Variants in SLC9B1 observed in about 807,000 individuals in gnomAD.
SLC9B1 encodes sodium/hydrogen exchanger 9B1.
SLC9B1 carries 32 observed loss-of-function variants against 51.7 expected under a neutral mutation model. The ratio of observed to expected loss-of-function variants is 0.62; its 90% CI spans 0.47 to 0.83. The LOEUF (loss-of-function observed/expected upper bound fraction) is 0.83. Ranked by LOEUF, SLC9B1 falls within the 40% of genes least tolerant of loss-of-function variation. The pLI is 0.00. For synonymous variants in SLC9B1, 145 were observed against 212.7 expected, an observed-to-expected ratio of 0.68 and a Z score of 2.77; for missense variants, 406 against 613.2, an observed-to-expected ratio of 0.66 and a Z score of 3.57.
At chr4:102,896,474 A>G (rs1734545242), downstream of SLC9B1, among the ~76,000 whole-genome samples, 1 of 152,242 alleles carries the variant, frequency 6.6e-6, no homozygotes, top group Non-Finnish European at 1.5e-5. Flanking sequence ...AGAACTGGAA[A>G]GAGCAATAAA....
chr4:102,906,720 CTT>C, intron 9 of SLC9B1, 76 bp from the exon 10 acceptor site: 6 of 456,568 alleles, frequency 1.3e-5, no homozygotes, highest in East Asian at 5.9e-5. Flanking sequence ...CTTCCCCCCC[CTT>C]TTTTTTTTCA....
At chr4:103,014,557 G>A (rs1741226282) in intron 1 of SLC9B1, among the ~76,000 whole-genome samples, 1 of 152,198 alleles carries the variant, frequency 6.6e-6, no homozygotes, top group African/African-American at 2.4e-5. Flanking sequence ...TTAGTGACTT[G>A]TGTTCCCATC....
chr4:103,017,718 C>T (rs142720687), intron 1 of SLC9B1, among the ~76,000 whole-genome samples: 2 of 152,332 alleles, frequency 1.3e-5, no homozygotes, highest in African/African-American at 4.8e-5. Context: ...TACTTCTTCA[C>T]TGTGCTTACT....
At chr4:102,979,893 T>C (rs1578397939) in intron 3 of SLC9B1, among the ~76,000 whole-genome samples, 1 of 151,592 alleles carries the variant, frequency 6.6e-6, no homozygotes, top group Non-Finnish European at 1.5e-5. Flanking sequence ...TAAACAAATT[T>C]ACAAGAAAAA....
chr4:102,977,786 G>A (rs918423013), intron 3 of SLC9B1, among the ~76,000 whole-genome samples: 1 of 152,062 alleles, frequency 6.6e-6, no homozygotes, highest in African/African-American at 2.4e-5. Flanking sequence ...TCTATGAGAA[G>A]TTACAAATTT....
chr4:102,993,115 C>T (rs1740035044), intron 1 of SLC9B1, among the ~76,000 whole-genome samples: 1 of 152,112 alleles, frequency 6.6e-6, no homozygotes, highest in South Asian at 2.1e-4. Flanking sequence ...CTCATGTCCT[C>T]ACACTTCAGA....
chr4:102,893,883 A>AGTC (rs1734403142), intron 11 of SLC9B1, among the ~76,000 whole-genome samples: 1 of 152,222 alleles, frequency 6.6e-6, no homozygotes, highest in Admixed American at 6.5e-5. Context: ...TGACAGAGCA[A>AGTC]GTCTCCATCT....
intron 9 of SLC9B1, among the ~76,000 whole-genome samples, chr4:102,907,954 ATTCAT>A (rs760065389): frequency 1.6e-4 from 25 of 152,170 alleles, no homozygotes; most frequent in Non-Finnish European, 3.5e-4. Context: ...TTTGCATTTC[ATTCAT>A]TTCATTTCTT....
chr4:102,905,536 C>T lies in SLC9B1; in HGVS notation c.1310G>A (p.Trp437Ter). ...FKEKIFIALAWMPKATVQAVL... is the reference protein window; with the variant it reads ...FKEKIFIALA Reference sequence around the variant, plus strand: ...TACCTGTACTGTAGCTTTGGGCATCCATGCTAAAGCAATAAATATTTTCTC... The same window carrying T: ...TACCTGTACTGTAGCTTTGGGCATCTATGCTAAAGCAATAAATATTTTCTC... The change falls in exon 11 of 12, where the codon TGG becomes TAG. Residue 437 changes from tryptophan to a stop codon, truncating the protein, a stop_gained. Transcript: ENST00000296422. LOFTEE classifies it low-confidence loss of function (END_TRUNC). 6.2e-7 allele frequency: 1 copy of T among 1,610,794 alleles called. No homozygotes were observed. Among genetic ancestry groups the T allele is most frequent in the South Asian group, 1.1e-5 (1 of 90,900 alleles).
chr4:102,940,523 CAAAA>C (rs1311346046), intron 6 of SLC9B1, among the ~76,000 whole-genome samples: 2 of 151,440 alleles, frequency 1.3e-5, no homozygotes, highest in African/African-American at 4.8e-5. Context: ...CATTTGGAGC[CAAAA>C]AAACAAACAA....
intron 3 of SLC9B1, among the ~76,000 whole-genome samples, chr4:102,985,878 A>C (rs1023217133): frequency 1.3e-5 from 2 of 152,150 alleles, no homozygotes; most frequent in African/African-American, 4.8e-5. Context: ...CAAACACTTT[A>C]TAATAATATT....
At chr4:102,939,802 C>T (rs1396795726) in intron 6 of SLC9B1, among the ~76,000 whole-genome samples, 1 of 152,094 alleles carries the variant, frequency 6.6e-6, no homozygotes, top group Non-Finnish European at 1.5e-5. Context: ...AAAATAAAAA[C>T]ATCCCTTCAT....
intron 1 of SLC9B1, among the ~76,000 whole-genome samples, chr4:103,001,432 G>T (rs781598750): frequency 6.6e-6 from 1 of 152,176 alleles, no homozygotes. Flanking sequence ...CCTCTTGAAC[G>T]CTTTGCTGCT....
chr4:102,946,149 TAA>T (rs1269284565), intron 5 of SLC9B1, among the ~76,000 whole-genome samples: 4 of 152,242 alleles, frequency 2.6e-5, no homozygotes, highest in East Asian at 1.9e-4. Context: ...AGGTGCTATA[TAA>T]GAGACATTTA....
chr4:102,898,835 C>T (rs1332753524), downstream of SLC9B1, among the ~76,000 whole-genome samples: 2 of 152,228 alleles, frequency 1.3e-5, no homozygotes, highest in Non-Finnish European at 2.9e-5. Context: ...TCAAGTGATT[C>T]TCCTGCCTCA....
chr4:102,981,374 G>C (rs1739349823), intron 3 of SLC9B1, among the ~76,000 whole-genome samples: 1 of 152,160 alleles, frequency 6.6e-6, no homozygotes, highest in African/African-American at 2.4e-5. Flanking sequence ...ATATCAAGGA[G>C]TGTAATTGCT....
chr4:102,948,926 T>G (rs1341390409), intron 4 of SLC9B1, among the ~76,000 whole-genome samples: 1 of 152,184 alleles, frequency 6.6e-6, no homozygotes, highest in Non-Finnish European at 1.5e-5. Context: ...AATATATCCA[T>G]GTACCAAACC....
At chr4:102,954,909 A>T (rs1016797698) in intron 3 of SLC9B1, among the ~76,000 whole-genome samples, 1 of 152,206 alleles carries the variant, frequency 6.6e-6, no homozygotes, top group Non-Finnish European at 1.5e-5. Flanking sequence ...TTCCACACCA[A>T]AACTCCCCCC....
intron 11 of SLC9B1, among the ~76,000 whole-genome samples, chr4:102,903,001 C>T (rs776821812): frequency 1.3e-5 from 2 of 152,032 alleles, no homozygotes; most frequent in African/African-American, 2.4e-5. Context: ...GTGACATTAT[C>T]GTTATCTATT....
Sources: allele counts gnomAD v4.1 joint callset (sites outside exome capture counted in the v4.1 genomes callset), GRCh38; gene constraint gnomAD v4.1.1; transcripts MANE v1.5; gene names NCBI Gene and HGNC (gene_info 2026-07-23, HGNC 2026-07-21).